Variants in OR51B5 observed in about 807,000 individuals in gnomAD.
The protein encoded by OR51B5 is olfactory receptor 51B5.
For synonymous variants in OR51B5, 186 were observed against 144.8 expected (o/e 1.28, Z -2.04); for missense variants, 456 against 374.6 (o/e 1.22, Z -1.79).
At chr11:5,379,461 A>T (rs893601990) in intron 1 of OR51B5, among the ~76,000 whole-genome samples, 1 of 139,912 alleles carries the variant, frequency 7.1e-6, no homozygotes, top group African/African-American at 2.7e-5. Flanking sequence ...AAAGTATAAT[A>T]ATAATAATAA....
intron 1 of OR51B5, among the ~76,000 whole-genome samples, chr11:5,451,768 G>C (rs1364318158): frequency 6.6e-6 from 1 of 152,180 alleles, no homozygotes; most frequent in Admixed American, 6.5e-5. Context: ...AGAGGTTGGA[G>C]AGGAAAGAGA....
intron 1 of OR51B5, chr11:5,455,613 AAG>A (rs1470250603): frequency 2.0e-5 from 3 of 150,246 alleles, no homozygotes; most frequent in Non-Finnish European, 4.4e-5. Context: ...GAGAAAGAGA[AAG>A]AGAGAAAGAG....
intron 1 of OR51B5, among the ~76,000 whole-genome samples, chr11:5,492,320 A>C (rs999056872): frequency 6.6e-6 from 1 of 152,132 alleles, no homozygotes; most frequent in Non-Finnish European, 1.5e-5. Context: ...CTGAGCTCTG[A>C]AGAAACTCAC....
intron 1 of OR51B5, among the ~76,000 whole-genome samples, chr11:5,433,688 C>T (rs1850560820): frequency 6.6e-6 from 1 of 152,128 alleles, no homozygotes; most frequent in African/African-American, 2.4e-5. Flanking sequence ...AAAAAATTAG[C>T]TGGGCATGGT....
At chr11:5,453,999 T>G in intron 1 of OR51B5, 2 of 1,614,046 alleles carry the variant, frequency 1.2e-6, no homozygotes, top group Non-Finnish European at 1.7e-6. Flanking sequence ...TATCTGCAGA[T>G]CCAATGTTCT....
chr11:5,349,598 AGTTT>A (rs1412397718), intron 1 of OR51B5, among the ~76,000 whole-genome samples: 1 of 152,184 alleles, frequency 6.6e-6, no homozygotes, highest in African/African-American at 2.4e-5. Context: ...TATATTAATT[AGTTT>A]GATTATGGTA....
chr11:5,504,253 CT>C (rs1324448720), intron 1 of OR51B5, among the ~76,000 whole-genome samples: 2 of 152,000 alleles, frequency 1.3e-5, no homozygotes, highest in Admixed American at 6.6e-5. Context: ...GTTTGGATAA[CT>C]TTCTCCTTAA....
At position 5,413,418 on chromosome 11, in the gene OR51B5, G is replaced by A. The variant is rs542703599; in HGVS notation, n.85-66508C>T. On this transcript the variant is annotated intron_variant and non_coding_transcript_variant, in intron 1 of 4. Transcript: ENST00000415970. The stretch of plus-strand genomic sequence containing the variant: ...AGGAATGCAGTTCTTCACCAGCAAT[G>A]CAACAAAGCTGGACAGAGAATGACT... Among the ~76,000 whole-genome samples, 56 of 152,324 alleles carry A rather than the reference G, an allele frequency of 3.7e-4. 1 individual carries two copies. In the South Asian group the frequency reaches 5.8e-3, roughly 16 times the overall value.
intron 1 of OR51B5, chr11:5,389,984 G>C (rs371343610): frequency 6.2e-7 from 1 of 1,612,652 alleles, no homozygotes; most frequent in Non-Finnish European, 8.5e-7. Context: ...GCACCAGGAA[G>C]TGATACAGCT....
chr11:5,428,870 A>C (rs1850489199), intron 1 of OR51B5, among the ~76,000 whole-genome samples: 1 of 152,226 alleles, frequency 6.6e-6, no homozygotes, highest in South Asian at 2.1e-4. Flanking sequence ...ACAGGATTAG[A>C]AATAAGAGAG....
chr11:5,461,495 G>A (rs11037559), intron 1 of OR51B5, among the ~76,000 whole-genome samples: 46,300 of 151,896 alleles, frequency 0.3, 7,208 homozygotes, highest in East Asian at 0.43. Flanking sequence ...GCCCTGTCCC[G>A]TGGGCAAGAG....
At chr11:5,374,328 C>A (rs971412590) in intron 1 of OR51B5, among the ~76,000 whole-genome samples, 6 of 152,036 alleles carry the variant, frequency 3.9e-5, no homozygotes, top group African/African-American at 1.5e-4. Flanking sequence ...AAAAACCCAT[C>A]GGTACATCAC....
At chr11:5,368,139 A>G (rs1849399366) in intron 1 of OR51B5, among the ~76,000 whole-genome samples, 1 of 152,208 alleles carries the variant, frequency 6.6e-6, no homozygotes, top group African/African-American at 2.4e-5. Context: ...TGCATCTTCA[A>G]CCAATAACTT....
intron 1 of OR51B5, chr11:5,453,711 A>G: frequency 1.2e-6 from 2 of 1,614,026 alleles, no homozygotes; most frequent in Non-Finnish European, 8.5e-7. Flanking sequence ...GGCCATATCC[A>G]TGGCCACACT....
Position 5,422,994 on chromosome 11 carries a change from G to A in OR51B5, n.85-76084C>T, listed in dbSNP as rs138734122. The A allele has an allele frequency of 5.2e-4, 838 of 1,614,018 alleles. 2 individuals carry two copies. The African/African-American group carries it at 5.8e-3, about 11-fold the overall frequency. Reference sequence around the variant, plus strand: ...ATGGTTGGTGTATCTATGACTCATCGCTTTGCCAAGCATGCCTCTCCACTG... The same window carrying A: ...ATGGTTGGTGTATCTATGACTCATCACTTTGCCAAGCATGCCTCTCCACTG... On this transcript the variant is annotated intron_variant and non_coding_transcript_variant, in intron 1 of 4. Coordinates refer to the OR51B5 transcript ENST00000415970.
At chr11:5,385,510 A>ATG (rs1361410002) in intron 1 of OR51B5, 3 of 151,932 alleles carry the variant, frequency 2.0e-5, no homozygotes, top group African/African-American at 7.3e-5. Flanking sequence ...AAAAATATAT[A>ATG]TATAGTGGTA....
intron 1 of OR51B5, among the ~76,000 whole-genome samples, chr11:5,428,242 T>C (rs1850478801): frequency 6.6e-6 from 1 of 151,896 alleles, no homozygotes; most frequent in South Asian, 2.1e-4. Flanking sequence ...ATGGGTACAG[T>C]TCCAGACTGC....
At chr11:5,416,893 A>C (rs61894096) in intron 1 of OR51B5, among the ~76,000 whole-genome samples, 2 of 151,954 alleles carry the variant, frequency 1.3e-5, no homozygotes, top group Non-Finnish European at 2.9e-5. Context: ...CATCAAGCTA[A>C]CAATGTCTTT....
chr11:5,341,793 G>C (rs541649521), downstream of OR51B5, among the ~76,000 whole-genome samples: 19 of 152,294 alleles, frequency 1.2e-4, no homozygotes, highest in African/African-American at 4.6e-4. Context: ...TAGTCAGCCA[G>C]CGTAGATATC....
Sources: gnomAD v4.1 joint callset for allele counts (sites outside exome capture counted in the v4.1 genomes callset) on GRCh38, gnomAD v4.1.1 for gene constraint, MANE v1.5 for transcripts, NCBI Gene and HGNC (gene_info 2026-07-23, HGNC 2026-07-21) for gene names.